The following GRIP1 variants were observed in gnomAD, a reference collection of about 807,000 sequenced individuals.
The protein encoded by GRIP1 is glutamate receptor interacting protein 1.
GRIP1 carries 45 observed loss-of-function variants against 129.9 expected under a neutral mutation model. That is an observed-to-expected ratio of 0.35 (90% CI 0.27 to 0.44). GRIP1 has a LOEUF of 0.44. GRIP1 is among the 20% of genes least tolerant of loss of function. The pLI is 1.00. For synonymous variants in GRIP1, 530 were observed against 520.8 expected (o/e 1.02, Z -0.24); for missense variants, 1,196 against 1,396.8 (o/e 0.86, Z 2.29).
intron 1 of GRIP1, among the ~76,000 whole-genome samples, chr12:66,803,138 G>A (rs570242174): frequency 7.2e-5 from 11 of 152,270 alleles, no homozygotes; most frequent in African/African-American, 2.6e-4. Flanking sequence ...GTTTATAAGT[G>A]GGATGCATTC....
intron 1 of GRIP1, among the ~76,000 whole-genome samples, chr12:66,626,037 C>G (rs1305698430): frequency 6.6e-6 from 1 of 151,982 alleles, no homozygotes; most frequent in Non-Finnish European, 1.5e-5. Context: ...GAAGAACAAG[C>G]TTATCAGTCT....
intron 19 of GRIP1, 36 bp downstream of exon 19, chr12:66,392,272 A>T (rs2056617068): frequency 7.9e-7 from 1 of 1,266,812 alleles, no homozygotes; most frequent in Non-Finnish European, 1.2e-6. Context: ...GGCTTCAACA[A>T]TGACAAGTCC....
chr12:66,663,370 G>A (rs1047164047), intron 1 of GRIP1, among the ~76,000 whole-genome samples: 6 of 152,136 alleles, frequency 3.9e-5, no homozygotes, highest in African/African-American at 1.4e-4. Flanking sequence ...GGCTTCTCAG[G>A]AAGAAGCTGT....
chr12:66,725,025 C>T (rs1433842648), intron 1 of GRIP1, among the ~76,000 whole-genome samples: 1 of 152,170 alleles, frequency 6.6e-6, no homozygotes, highest in Non-Finnish European at 1.5e-5. Flanking sequence ...GGCACGATGG[C>T]TCATGCCTGT....
intron 1 of GRIP1, among the ~76,000 whole-genome samples, chr12:66,801,494 C>T (rs2038857749): frequency 6.6e-6 from 1 of 152,024 alleles, no homozygotes; most frequent in Non-Finnish European, 1.5e-5. Flanking sequence ...TTAATTCAGA[C>T]TCTGGCATTT....
chr12:66,806,112 A>G (rs112674156), upstream of GRIP1, among the ~76,000 whole-genome samples: 1,123 of 152,148 alleles, frequency 7.4e-3, 11 homozygotes, highest in African/African-American at 0.026. Context: ...TAAATATATG[A>G]CAATAATAAT....
At chr12:66,679,654 G>A (rs1346658550), upstream of GRIP1, among the ~76,000 whole-genome samples, 1 of 152,084 alleles carries the variant, frequency 6.6e-6, no homozygotes, top group South Asian at 2.1e-4. Flanking sequence ...TCAGGCAGAT[G>A]GAGTCCCAGC....
rs372382569 is a variant in GRIP1, at chr12:66,866,286, T to C, written c.58+202764A>G. Among the ~76,000 whole-genome samples, 164 of 152,082 alleles carry C rather than the reference T, an allele frequency of 1.1e-3. 2 individuals carry two copies. In the South Asian group the frequency reaches 0.014, roughly 13 times the overall value. On this transcript the variant is annotated intron_variant, in intron 1 of 1. Coordinates refer to the GRIP1 transcript ENST00000643019. ...GTGTTCATGACCAGGCTGGGTGGCA[T>C]AGTGACACCCTATCTTAAAAAAATA...
chr12:66,392,347 A>G lies in GRIP1; in HGVS notation c.2425T>C (p.Trp809Arg). 1 of 1,613,572 alleles carries G rather than the reference A, an allele frequency of 6.2e-7. No homozygotes were observed. The highest frequency in any genetic ancestry group is 8.5e-7 in the Non-Finnish European group (1 of 1,179,490). The part of the protein sequence containing the change: ...VPSVDSAVDS[W>R]DGSAIDTSYG... The stretch of plus-strand genomic sequence containing the variant: ...CTGGTGTCTATTGCAGACCCATCCC[A>G]TGAATCCACAGCACTGTCCACACTG... Residue 809 changes from tryptophan (W) to arginine (R), a missense_variant, in exon 19 of 25, where the codon TGG (tryptophan) becomes CGG (arginine). By Grantham distance (101) the Trp-to-Arg change is moderately radical (BLOSUM62 -3). This residue lies in a region of GRIP1 where 427 missense variants were observed against 463.3 expected (regional missense o/e 0.92). Coordinates refer to ENST00000359742, the MANE Select transcript of GRIP1 (RefSeq NM_001366722.1).
chr12:66,660,285 T>TATAAC (rs58468862), intron 1 of GRIP1, among the ~76,000 whole-genome samples: 126,532 of 151,588 alleles, frequency 0.83, 53,166 homozygotes, highest in African/African-American at 0.91. Flanking sequence ...AATATCATAA[T>TATAAC]ATATCTCCTA....
rs754902249 is a variant in GRIP1, at chr12:66,353,489, C to T, written c.3087G>A (p.Val1029=). ...CAGCTGGGCGAATATTTTTGACATA[C>T]ACTCCTTTCTCCAGTAAGCCATCTG... ...SVADGLLEKG[V]YVKNIRPAGP... Residue 1029 remains valine, a synonymous_variant, in exon 24 of 25, where the codon GTG becomes GTA. Transcript: ENST00000359742. 1 of 1,612,954 alleles carries T rather than the reference C, an allele frequency of 6.2e-7. No individual in the cohort carries two copies. The highest frequency in any genetic ancestry group is 1.1e-5 in the South Asian group (1 of 91,062).
intron 1 of GRIP1, among the ~76,000 whole-genome samples, chr12:66,837,916 G>A (rs2039644123): frequency 6.6e-6 from 1 of 152,164 alleles, no homozygotes; most frequent in East Asian, 1.9e-4. Flanking sequence ...GCAGGAGGCT[G>A]GGCGCGGTGG....
At chr12:66,424,624 G>C (rs908493064) in intron 14 of GRIP1, among the ~76,000 whole-genome samples, 3 of 152,000 alleles carry the variant, frequency 2.0e-5, no homozygotes, top group Non-Finnish European at 4.4e-5. Flanking sequence ...TCAACATTTG[G>C]AATTTATTTT....
At chr12:66,648,740 T>C (rs1011484140) in intron 1 of GRIP1, among the ~76,000 whole-genome samples, 5 of 152,250 alleles carry the variant, frequency 3.3e-5, no homozygotes, top group South Asian at 2.1e-4. Flanking sequence ...GGTTCACTTA[T>C]GGCAAATCTT....
At chr12:66,777,967 G>C (rs192058914) in intron 1 of GRIP1, among the ~76,000 whole-genome samples, 253 of 152,146 alleles carry the variant, frequency 1.7e-3, no homozygotes, top group African/African-American at 5.6e-3. Context: ...CATAGCTAAT[G>C]AGCACTTGAA....
At chr12:66,734,832 CTAAT>C (rs1310320852) in intron 1 of GRIP1, among the ~76,000 whole-genome samples, 4 of 152,076 alleles carry the variant, frequency 2.6e-5, no homozygotes, top group African/African-American at 7.2e-5. Flanking sequence ...CATCGCTAGA[CTAAT>C]TGAGGCTTAA....
At chr12:66,742,337 A>C (rs1801258115) in intron 1 of GRIP1, among the ~76,000 whole-genome samples, 1 of 152,186 alleles carries the variant, frequency 6.6e-6, no homozygotes, top group South Asian at 2.1e-4. Context: ...AACGGAGAGA[A>C]ACTGATACCA....
At chr12:66,688,099 G>A (rs766156842) in intron 1 of GRIP1, among the ~76,000 whole-genome samples, 16 of 152,132 alleles carry the variant, frequency 1.1e-4, no homozygotes, top group Admixed American at 1.3e-4. Context: ...TGGAACATCC[G>A]GATTCATCCA....
At chr12:66,933,050 T>G (rs2041425870) in intron 1 of GRIP1, among the ~76,000 whole-genome samples, 1 of 152,238 alleles carries the variant, frequency 6.6e-6, no homozygotes, top group Non-Finnish European at 1.5e-5. Flanking sequence ...TTATTAACAA[T>G]CTTTCATATG....
Sources: gnomAD v4.1 joint callset for allele counts (sites outside exome capture counted in the v4.1 genomes callset) on GRCh38, gnomAD v4.1.1 for gene constraint, gnomAD v4.1.1 regional missense constraint, MANE v1.5 for transcripts, NCBI Gene and HGNC (gene_info 2026-07-23, HGNC 2026-07-21) for gene names.